KCNH8: variants seen among roughly 807,000 people sequenced by gnomAD.
KCNH8 encodes the protein potassium voltage-gated channel subfamily H member 8.
In KCNH8, 70 loss-of-function variants were observed where a neutral mutation model predicts 103.6. The observed-to-expected ratio is 0.68, with a 90% CI of 0.56 to 0.82. The LOEUF is 0.82. Ranked by LOEUF, KCNH8 falls within the 40% of genes least tolerant of loss-of-function variation. The pLI, the probability that KCNH8 is intolerant of heterozygous loss-of-function variation, is 0.00. For missense variants in KCNH8, 1,217 were observed against 1,329.9 expected (o/e 0.92, Z 1.32); for synonymous variants, 498 against 489.4 (o/e 1.02, Z -0.23).
At chr3:19,213,976 CACCCA>C (rs2063794655) in intron 1 of KCNH8, among the ~76,000 whole-genome samples, 2 of 152,188 alleles carry the variant, frequency 1.3e-5, no homozygotes, top group African/African-American at 4.8e-5. Flanking sequence ...GCATGGCTAG[CACCCA>C]CTGAAGTGCT....
intron 8 of KCNH8, among the ~76,000 whole-genome samples, chr3:19,447,614 C>T (rs2067381697): frequency 6.6e-6 from 1 of 151,998 alleles, no homozygotes; most frequent in Non-Finnish European, 1.5e-5. Context: ...CTTCCAAACA[C>T]TTAGCCCATA....
chr3:19,466,270 A>AATCTACTCATGGTGAAGATGTT (rs2067734204), intron 11 of KCNH8, among the ~76,000 whole-genome samples: 1 of 152,162 alleles, frequency 6.6e-6, no homozygotes, highest in Non-Finnish European at 1.5e-5. Context: ...CTTGAGATGG[A>AATCTACTCATGGTGAAGATGTT]ATCTACTCAT....
chr3:19,390,042 C>T (rs1468656890), intron 5 of KCNH8, among the ~76,000 whole-genome samples: 20 of 152,034 alleles, frequency 1.3e-4, no homozygotes, highest in Admixed American at 1.3e-3. Flanking sequence ...ACACTGTCTA[C>T]TTCAGGAGAT....
At chr3:19,420,923 G>A (rs775322253) in intron 7 of KCNH8, among the ~76,000 whole-genome samples, 27 of 152,236 alleles carry the variant, frequency 1.8e-4, no homozygotes, top group Middle Eastern at 3.4e-3. Flanking sequence ...CCATCTTATG[G>A]TAGTCATTCT....
chr3:19,428,563 A>G (rs1367500418), intron 7 of KCNH8, among the ~76,000 whole-genome samples: 1 of 152,234 alleles, frequency 6.6e-6, no homozygotes, highest in Non-Finnish European at 1.5e-5. Context: ...TAAAAGCCTT[A>G]TATTGAATGC....
chr3:19,459,898 T>C (rs529903324), intron 11 of KCNH8, among the ~76,000 whole-genome samples: 52 of 152,246 alleles, frequency 3.4e-4, no homozygotes, highest in African/African-American at 1.1e-3. Context: ...TAAAAATCCC[T>C]GTATACCTGA....
chr3:19,164,224 C>T (rs2063260867), intron 1 of KCNH8, among the ~76,000 whole-genome samples: 1 of 152,068 alleles, frequency 6.6e-6, no homozygotes, highest in Non-Finnish European at 1.5e-5. Context: ...AGACAAGGAG[C>T]CAGAGAACCC....
At chr3:19,308,004 A>T (rs1406649587) in intron 3 of KCNH8, among the ~76,000 whole-genome samples, 3 of 151,892 alleles carry the variant, frequency 2.0e-5, no homozygotes, top group Admixed American at 2.0e-4. Context: ...ACTATAGTTA[A>T]CAATAGTATA....
At chr3:19,235,391 A>G (rs56954778) in intron 1 of KCNH8, among the ~76,000 whole-genome samples, 9,531 of 152,270 alleles carry the variant, frequency 0.063, 1,002 homozygotes, top group African/African-American at 0.21. Flanking sequence ...AAAGGTGATT[A>G]GATTACATGT....
chr3:19,515,412 T>C lies in KCNH8; in HGVS notation c.2526T>C (p.Ile842=). The C allele has an allele frequency of 6.5e-7, 1 of 1,541,380 alleles. No individual in the cohort carries two copies. The highest frequency in any genetic ancestry group is 2.4e-5 in the East Asian group (1 of 42,180). ...AACGAATCAGATCAGAGCCCAGAAT[T>C]TCTCCTCCTCTTGGAGGTAAGATCT... is the stretch of plus-strand genomic sequence containing the variant. ...GSERIRSEPR[I]SPPLGDPEIG... The change falls in exon 14 of 16, where the codon ATT becomes ATC. Residue 842 remains isoleucine, a synonymous_variant. Coordinates refer to ENST00000328405, the MANE Select transcript of KCNH8 (RefSeq NM_144633.3).
chr3:19,486,965 C>T (rs2125220183), intron 11 of KCNH8, among the ~76,000 whole-genome samples: 1 of 152,314 alleles, frequency 6.6e-6, no homozygotes, highest in East Asian at 1.9e-4. Context: ...TTTCTACCTA[C>T]AGTCCTCCAG....
At chr3:19,522,944 T>C (rs998096977) in intron 15 of KCNH8, among the ~76,000 whole-genome samples, 3 of 151,878 alleles carry the variant, frequency 2.0e-5, no homozygotes, top group Admixed American at 6.6e-5. Context: ...TGGTATAGTG[T>C]AAGTTACACA....
chr3:19,253,318 C>T lies in KCNH8; in HGVS notation c.77-336C>T, dbSNP rs558289770. On this transcript the variant is annotated intron_variant, in intron 1 of 15. Coordinates refer to ENST00000328405, the MANE Select transcript of KCNH8 (RefSeq NM_144633.3). ...AGTAACTTTTTCAAATTCACCTATACATTACATGGCAGATTCAGTATATGA... is the reference window on the plus strand; with the variant it reads ...AGTAACTTTTTCAAATTCACCTATATATTACATGGCAGATTCAGTATATGA... Among the ~76,000 whole-genome samples the T allele has an allele frequency of 7.2e-4, 110 of 152,142 alleles. 2 individuals are homozygous for T. The South Asian group carries it at 0.011, about 16-fold the overall frequency.
chr3:19,174,162 C>T (rs992806362), intron 1 of KCNH8, among the ~76,000 whole-genome samples: 5 of 151,936 alleles, frequency 3.3e-5, no homozygotes, highest in African/African-American at 4.8e-5. Context: ...CCTTGCTCTT[C>T]CCACAGCTCA....
intron 5 of KCNH8, among the ~76,000 whole-genome samples, chr3:19,376,057 T>C (rs2066193356): frequency 6.6e-6 from 1 of 152,294 alleles, no homozygotes; most frequent in African/African-American, 2.4e-5. Context: ...TTTTTGTTTG[T>C]CTGTGCCCTG....
chr3:19,297,640 C>T (rs2065013321), intron 3 of KCNH8, among the ~76,000 whole-genome samples: 1 of 152,088 alleles, frequency 6.6e-6, no homozygotes, highest in African/African-American at 2.4e-5. Flanking sequence ...GTATGGCACA[C>T]CTGGAAAATT....
intron 10 of KCNH8, among the ~76,000 whole-genome samples, chr3:19,454,831 C>T (rs2067506087): frequency 6.6e-6 from 1 of 152,050 alleles, no homozygotes; most frequent in Admixed American, 6.6e-5. Flanking sequence ...TGCTGCATGA[C>T]CATTCTAAAC....
intron 11 of KCNH8, among the ~76,000 whole-genome samples, chr3:19,490,126 C>T (rs1018239705): frequency 2.6e-5 from 4 of 152,192 alleles, no homozygotes; most frequent in Non-Finnish European, 2.9e-5. Flanking sequence ...TCAAGCTGGC[C>T]GGAGTCCCCC....
In KCNH8 at chr3:19,244,379, T is replaced by G. The variant is rs559830053; in HGVS notation, c.77-9275T>G. On this transcript the variant is annotated intron_variant, in intron 1 of 15. Transcript: ENST00000328405. ...CTAGGTTGATTCCATGTCTTTGCTA[T>G]TGTGCATAGCACTGTGGTGAACATA... Among the ~76,000 whole-genome samples the G allele has an allele frequency of 3.9e-5, 6 of 152,364 alleles. No individual in the cohort carries two copies. In the East Asian group the frequency reaches 1.2e-3, roughly 29 times the overall value.
Sources: allele counts gnomAD v4.1 joint callset (sites outside exome capture counted in the v4.1 genomes callset), GRCh38; gene constraint gnomAD v4.1.1; transcripts MANE v1.5; gene names NCBI Gene and HGNC (gene_info 2026-07-23, HGNC 2026-07-21).